Variants in SLC2A9 observed in about 807,000 individuals in gnomAD.
SLC2A9 encodes solute carrier family 2 member 9.
In SLC2A9, 39 loss-of-function variants were observed where a neutral mutation model predicts 50.6. The ratio of observed to expected loss-of-function variants is 0.77; its 90% CI spans 0.60 to 1.01. The LOEUF is 1.01. Ranked by LOEUF, SLC2A9 falls within the 50% of genes least tolerant of loss-of-function variation. The pLI is 0.00. For synonymous variants in SLC2A9, 324 were observed against 276.9 expected (o/e 1.17, Z -1.69); for missense variants, 686 against 677.6 (o/e 1.01, Z -0.14).
chr4:9,958,256 T>G (rs1246145248), intron 5 of SLC2A9, among the ~76,000 whole-genome samples: 1 of 152,246 alleles, frequency 6.6e-6, no homozygotes, highest in Non-Finnish European at 1.5e-5. Context: ...ATTGCATGTT[T>G]TCTTCTTAAG....
chr4:9,841,368 C>T lies in SLC2A9; in HGVS notation c.1292-6360G>A, dbSNP rs533408684. Reference sequence around the variant, plus strand: ...TATGCTCTGGGAAATCTCTCTCTTCCTTCTTCTCTCCCTTTCTTTCCTTTC... The same window carrying T: ...TATGCTCTGGGAAATCTCTCTCTTCTTTCTTCTCTCCCTTTCTTTCCTTTC... On this transcript the variant is annotated intron_variant, in intron 10 of 11. Transcript: ENST00000264784. Among the ~76,000 whole-genome samples the T allele has an allele frequency of 9.2e-5, 14 of 151,970 alleles. No individual in the cohort carries two copies. The South Asian group carries it at 2.9e-3, about 32-fold the overall frequency.
chr4:9,800,074 G>T (rs1721183848), intron 3 of SLC2A9, among the ~76,000 whole-genome samples: 2 of 152,168 alleles, frequency 1.3e-5, no homozygotes, highest in Non-Finnish European at 2.9e-5. Context: ...TTGTAAGCAG[G>T]TATAAAAAGA....
chr4:9,875,225 A>G (rs1189100308), intron 10 of SLC2A9, among the ~76,000 whole-genome samples: 1 of 144,510 alleles, frequency 6.9e-6, no homozygotes, highest in Non-Finnish European at 1.5e-5. Context: ...AGAAATGGCC[A>G]TAGGTTACTC....
intron 6 of SLC2A9, among the ~76,000 whole-genome samples, chr4:9,941,451 T>C (rs569049305): frequency 4.9e-4 from 74 of 152,208 alleles, no homozygotes; most frequent in African/African-American, 1.7e-3. Flanking sequence ...CAGTGCCTGG[T>C]GGGATCTGGT....
At chr4:10,021,824 C>T (rs12506364), upstream of SLC2A9, among the ~76,000 whole-genome samples, 66,347 of 150,848 alleles carry the variant, frequency 0.44, 16,183 homozygotes, top group South Asian at 0.59. Flanking sequence ...GCATACAGCT[C>T]TGCCCCTGAC....
At chr4:9,859,663 T>C (rs1409357306) in intron 10 of SLC2A9, among the ~76,000 whole-genome samples, 24 of 152,234 alleles carry the variant, frequency 1.6e-4, no homozygotes, top group Admixed American at 1.6e-3. Context: ...TCATCAGCCT[T>C]TGCTACTGTT....
chr4:9,866,363 T>C (rs919136105), intron 10 of SLC2A9, among the ~76,000 whole-genome samples: 2 of 152,120 alleles, frequency 1.3e-5, no homozygotes, highest in African/African-American at 2.4e-5. Context: ...TGAAATAGAA[T>C]TGAGATGAAG....
intron 3 of SLC2A9, among the ~76,000 whole-genome samples, chr4:9,819,562 C>G (rs905624045): frequency 2.0e-5 from 3 of 152,124 alleles, no homozygotes; most frequent in African/African-American, 7.2e-5. Flanking sequence ...GATACAAGTT[C>G]TTTGGTGGAT....
downstream of SLC2A9, chr4:9,826,121 A>G (rs1440740564): frequency 4.5e-6 from 2 of 446,718 alleles, no homozygotes; most frequent in Admixed American, 3.6e-5. Context: ...TCATCTACCT[A>G]TATAGAAGAA....
chr4:9,869,904 C>A (rs980817254), intron 10 of SLC2A9, among the ~76,000 whole-genome samples: 5 of 152,260 alleles, frequency 3.3e-5, no homozygotes, highest in Non-Finnish European at 4.4e-5. Context: ...AAATATTACT[C>A]AAATGGCAAA....
At chr4:9,942,873 A>T (rs1002064565) in intron 5 of SLC2A9, among the ~76,000 whole-genome samples, 2 of 152,238 alleles carry the variant, frequency 1.3e-5, no homozygotes, top group African/African-American at 2.4e-5. Context: ...AGAAGGAGGA[A>T]AAACCAAGTC....
intron 3 of SLC2A9, among the ~76,000 whole-genome samples, chr4:9,809,038 G>A (rs1220742835): frequency 6.6e-6 from 1 of 152,164 alleles, no homozygotes; most frequent in East Asian, 1.9e-4. Flanking sequence ...TGATGCAATG[G>A]AAAAGAATGA....
intron 1 of SLC2A9, among the ~76,000 whole-genome samples, chr4:10,037,472 C>T (rs1764144433): frequency 2.0e-5 from 3 of 152,150 alleles, no homozygotes; most frequent in African/African-American, 7.2e-5. Context: ...TCTCTACTTC[C>T]TCAGTTGCTC....
At chr4:9,932,116 T>C (rs1490616397) in intron 6 of SLC2A9, among the ~76,000 whole-genome samples, 1 of 150,392 alleles carries the variant, frequency 6.6e-6, no homozygotes, top group Non-Finnish European at 1.5e-5. Context: ...ATATTTCCCT[T>C]GTAAAAATGG....
At chr4:10,003,811 G>A (rs6853437) in intron 2 of SLC2A9, among the ~76,000 whole-genome samples, 109,627 of 152,132 alleles carry the variant, frequency 0.72, 40,358 homozygotes, top group Non-Finnish European at 0.81. Context: ...CTGTGTGGCA[G>A]TAACCATATA....
In SLC2A9 at chr4:9,924,432, C is replaced by T. The variant is rs372590809; in HGVS notation, c.815-3860G>A. ...GAGGTATACCTAGCTTCCTCACAGA[C>T]ACCTGAGTGAGTCCTACGCTGTCCC... On this transcript the variant is annotated intron_variant, in intron 6 of 11. Coordinates refer to ENST00000264784, the MANE Select transcript of SLC2A9 (RefSeq NM_020041.3). Among the ~76,000 whole-genome samples, 7 of 152,228 alleles carry T rather than the reference C, an allele frequency of 4.6e-5. No homozygotes were observed. The East Asian group carries it at 1.2e-3, about 25-fold the overall frequency.
intron 11 of SLC2A9, among the ~76,000 whole-genome samples, chr4:9,829,291 C>T (rs922303394): frequency 6.6e-6 from 1 of 152,004 alleles, no homozygotes; most frequent in Non-Finnish European, 1.5e-5. Flanking sequence ...GTTATCCCAG[C>T]TACTTGAGAG....
rs1491090035 is a variant in SLC2A9, at chr4:9,913,330, T to TGTGAGA, written c.1003-4986_1003-4985insTCTCAC. Among the ~76,000 whole-genome samples the TGTGAGA allele has an allele frequency of 1.2e-3, 111 of 88,804 alleles. 2 individuals carry two copies. Among genetic ancestry groups the TGTGAGA allele is most frequent in the South Asian group, 6.1e-3 (18 of 2,952 alleles). The allele number at this position is 88,804 out of a possible 152,430, so 58.3% of individuals were successfully genotyped here. A position where few individuals can be genotyped will look rare whatever the true frequency, so the allele number is the denominator to read the frequency against. ...GTGTGTGTGTGTGTGTGTGTGTGTG[T>TGTGAGA]GAGAGAGAGAGAGAGAGAGAGAGAG... On this transcript the variant is annotated intron_variant, in intron 7 of 11. Coordinates refer to ENST00000264784, the MANE Select transcript of SLC2A9 (RefSeq NM_020041.3).
At chr4:10,014,689 T>G (rs1021657343) in intron 2 of SLC2A9, among the ~76,000 whole-genome samples, 4 of 152,150 alleles carry the variant, frequency 2.6e-5, no homozygotes, top group Non-Finnish European at 5.9e-5. Context: ...TGTGGCTCCA[T>G]GCAGCCTGTC....
Sources: gnomAD v4.1 joint callset for allele counts (sites outside exome capture counted in the v4.1 genomes callset) on GRCh38, gnomAD v4.1.1 for gene constraint, MANE v1.5 for transcripts, NCBI Gene and HGNC (gene_info 2026-07-23, HGNC 2026-07-21) for gene names.